FBXW2: variants seen among roughly 807,000 people sequenced by gnomAD.
FBXW2 encodes the protein F-box/WD repeat-containing protein 2.
Under a neutral mutation model 46.0 loss-of-function variants are expected in FBXW2, and 12 were observed. That is an observed-to-expected ratio of 0.26 (90% CI 0.17 to 0.42). The LOEUF is 0.42. Ranked by LOEUF, FBXW2 falls within the 10% of genes least tolerant of loss-of-function variation. The probability of loss-of-function intolerance (pLI) is 1.00; values close to 1 mark genes in which losing one functional copy is unlikely to be tolerated. For synonymous variants in FBXW2, 203 were observed against 209.6 expected, an observed-to-expected ratio of 0.97 and a Z score of 0.27; for missense variants, 360 against 537.0, an observed-to-expected ratio of 0.67 and a Z score of 3.26.
At position 120,761,369 on chromosome 9, in the gene FBXW2, G is replaced by A. The variant is rs1588019123; in HGVS notation, c.*3190C>T. 1 of 152,140 alleles carries A rather than the reference G, an allele frequency of 6.6e-6. No homozygotes were observed. The highest frequency in any genetic ancestry group is 2.1e-4 in the South Asian group (1 of 4,826). 9.4% of individuals were successfully genotyped at this position (152,140 alleles called of 1,614,324 possible). On this transcript the variant is annotated 3_prime_UTR_variant, in exon 8 of 8. Coordinates refer to ENST00000608872, the MANE Select transcript of FBXW2 (RefSeq NM_012164.4). The stretch of plus-strand genomic sequence containing the variant: ...GTGTCACCCAAGAAATCCAATCCTT[G>A]TAAGAAAGGATAGGGCTTATCTTCT...
intron 7 of FBXW2, among the ~76,000 whole-genome samples, chr9:120,768,771 G>T (rs1032679662): frequency 2.0e-5 from 3 of 150,878 alleles, no homozygotes; most frequent in Admixed American, 2.0e-4. Flanking sequence ...GCAGTGAGCC[G>T]AGATCACACC....
rs371383373 is a variant in FBXW2 at position 120,785,228 on chromosome 9, CA to C, written c.490+2540del. Among the ~76,000 whole-genome samples the C allele has an allele frequency of 1.6e-3, 238 of 152,104 alleles. 2 individuals carry two copies. The highest frequency in any genetic ancestry group is 4.9e-3 in the African/African-American group (202 of 41,482). On this transcript the variant is annotated intron_variant, in intron 3 of 7. Transcript: ENST00000608872. The stretch of plus-strand genomic sequence containing the variant: ...TTTGCTATGTTGCCCAGGCTGGTCT[CA>C]AAACTCCTGGGCTCACATAATCTGC...
chr9:120,757,387 A>C lies in FBXW2; in HGVS notation c.*7172T>G, dbSNP rs1293496580. 1 of 152,242 alleles carries C rather than the reference A, an allele frequency of 6.6e-6. No homozygotes were observed. The highest frequency in any genetic ancestry group is 2.4e-5 in the African/African-American group (1 of 41,468). The allele number at this position is 152,242 out of a possible 1,614,324, so 9.4% of individuals were successfully genotyped here. A position where few individuals can be genotyped will look rare whatever the true frequency, so the allele number is the denominator to read the frequency against. On this transcript the variant is annotated 3_prime_UTR_variant, in exon 8 of 8. Coordinates refer to ENST00000608872, the MANE Select transcript of FBXW2 (RefSeq NM_012164.4). ...AAGAAAAAATTCCACTGCTTTTGCGAGTAAGTCTTCTACTGGAACTTGTTC... is the reference window on the plus strand; with the variant it reads ...AAGAAAAAATTCCACTGCTTTTGCGCGTAAGTCTTCTACTGGAACTTGTTC...
At chr9:120,793,004 C>CTCA in intron 2 of FBXW2, 145 bp downstream of exon 2, 3 of 1,513,504 alleles carry the variant, frequency 2.0e-6, no homozygotes, top group Non-Finnish European at 2.7e-6. Context: ...TCACTGTTAA[C>CTCA]TCATTTCGCA....
intron 3 of FBXW2, among the ~76,000 whole-genome samples, chr9:120,781,675 C>CATAT (rs3047128): frequency 6.8e-6 from 1 of 146,334 alleles, no homozygotes; most frequent in Non-Finnish European, 1.5e-5. Flanking sequence ...CACACACACA[C>CATAT]ATACACACAC....
chr9:120,770,550 C>A (rs2044357680), intron 7 of FBXW2, among the ~76,000 whole-genome samples: 1 of 152,158 alleles, frequency 6.6e-6, no homozygotes, highest in African/African-American at 2.4e-5. Flanking sequence ...TGGGTCCTCT[C>A]AGACTTATTA....
rs1238615295 is a variant in FBXW2, at chr9:120,787,851, A to G, written c.408T>C (p.His136=). ...AILRMKQLED[H]EAFETSSLIG... ...TTAATGACGAGGTTTCAAAGGCTTC[A>G]TGGTCCTCCAGTTGCTTCATTCTCA... The change falls in exon 3 of 8, where the codon CAT becomes CAC. Residue 136 remains histidine, a synonymous_variant. Coordinates refer to ENST00000608872, the MANE Select transcript of FBXW2 (RefSeq NM_012164.4). The G allele has an allele frequency of 6.2e-7, 1 of 1,614,228 alleles. No homozygotes were observed. Among genetic ancestry groups the G allele is most frequent in the Non-Finnish European group, 8.5e-7 (1 of 1,180,038 alleles).
At chr9:120,783,977 A>G (rs1056068445) in intron 3 of FBXW2, among the ~76,000 whole-genome samples, 1 of 152,244 alleles carries the variant, frequency 6.6e-6, no homozygotes, top group Non-Finnish European at 1.5e-5. Context: ...TCTCTTAAGT[A>G]ACAAGATGAC....
In FBXW2 at chr9:120,787,910, A is replaced by G; in HGVS notation, c.349T>C (p.Leu117=). Residue 117 remains leucine, a synonymous_variant, in exon 3 of 8, where the codon TTG becomes CTG. Transcript: ENST00000608872. ...TTCAAATAAACCTTCTTCCAGTGCA[A>G]AGCGTCCTGAACAGAATCATCTATC... is the stretch of plus-strand genomic sequence containing the variant. The part of the protein sequence containing the change: ...WQIDDSVQDA[L]HWKKVYLKAI... 6.2e-7 allele frequency: 1 copy of G among 1,614,208 alleles called. No individual in the cohort carries two copies. The highest frequency in any genetic ancestry group is 2.2e-5 in the East Asian group (1 of 44,892).
In FBXW2 at chr9:120,762,159, G is replaced by T. The variant is rs1453085273; in HGVS notation, c.*2400C>A. 6.6e-6 allele frequency: 1 copy of T among 152,128 alleles called. No homozygotes were observed. The highest frequency in any genetic ancestry group is 1.5e-5 in the Non-Finnish European group (1 of 68,060). The allele number at this position is 152,128 out of a possible 1,614,324, so 9.4% of individuals were successfully genotyped here. A position where few individuals can be genotyped will look rare whatever the true frequency, so the allele number is the denominator to read the frequency against. On this transcript the variant is annotated 3_prime_UTR_variant, in exon 8 of 8. Transcript: ENST00000608872. ...GTTCAAGACCAGCCTGGCCAACATG[G>T]TGGAACCCTGTCTCTACTAAAAATA...
At chr9:120,773,059 C>T (rs1245730170) in intron 5 of FBXW2, among the ~76,000 whole-genome samples, 2 of 152,038 alleles carry the variant, frequency 1.3e-5, no homozygotes, top group Admixed American at 6.6e-5. Context: ...AGGTGGGTCA[C>T]GCCTATAATC....
In FBXW2 at chr9:120,763,799, C is replaced by T. The variant is rs914580296; in HGVS notation, c.*760G>A. On this transcript the variant is annotated 3_prime_UTR_variant, in exon 8 of 8. Coordinates refer to ENST00000608872, the MANE Select transcript of FBXW2 (RefSeq NM_012164.4). ...GGTGCAGAGTTCCAGGGTAAGAGGC[C>T]CGGTCTCTAACCTTCCAGCTCACTG... is the stretch of plus-strand genomic sequence containing the variant. 6.6e-6 allele frequency: 1 copy of T among 152,124 alleles called. No individual in the cohort carries two copies. Among genetic ancestry groups the T allele is most frequent in the African/African-American group, 2.4e-5 (1 of 41,406 alleles). The allele number at this position is 152,124 out of a possible 1,614,324, so 9.4% of individuals were successfully genotyped here. A position where few individuals can be genotyped will look rare whatever the true frequency, so the allele number is the denominator to read the frequency against.
chr9:120,788,804 T>C (rs549353306), intron 2 of FBXW2, among the ~76,000 whole-genome samples: 22 of 152,134 alleles, frequency 1.4e-4, no homozygotes, highest in Non-Finnish European at 3.2e-4. Context: ...GTCACCAAAA[T>C]CATAGAACTG....
chr9:120,778,701 C>A (rs1447900927), intron 3 of FBXW2, among the ~76,000 whole-genome samples, 156 bp from the exon 4 acceptor site: 1 of 152,204 alleles, frequency 6.6e-6, no homozygotes, highest in Non-Finnish European at 1.5e-5. Context: ...GAGAGTAACA[C>A]AACTTGCTTA....
chr9:120,772,589 A>G (rs1564453397), intron 6 of FBXW2, among the ~76,000 whole-genome samples, 165 bp downstream of exon 6: 2 of 152,250 alleles, frequency 1.3e-5, no homozygotes. Context: ...TACACAGGAC[A>G]TAGAGCTAGC....
At chr9:120,774,254 T>C (rs1230831424) in intron 5 of FBXW2, among the ~76,000 whole-genome samples, 2 of 149,842 alleles carry the variant, frequency 1.3e-5, no homozygotes, top group East Asian at 3.9e-4. Flanking sequence ...GGAGAATCAC[T>C]TGAACCCGGC....
chr9:120,793,344 G>C lies in FBXW2; in HGVS notation c.-130+10C>G, dbSNP rs936326784. ...TCCCCTCCCCGACCGGCCCCGCCTC[G>C]CATACAGACCCGGACCTGCGGCCGC... On this transcript the variant is annotated intron_variant, in intron 1 of 7. Transcript: ENST00000608872. 2.9e-5 allele frequency: 12 copies of C among 420,842 alleles called. No homozygotes were observed. Among genetic ancestry groups the C allele is most frequent in the African/African-American group, 1.0e-4 (5 of 48,712 alleles). 26.1% of individuals were successfully genotyped at this position (420,842 alleles called of 1,614,324 possible).
rs754660457 is a variant in FBXW2, at chr9:120,778,413, A to G, written c.623T>C (p.Val208Ala). Residue 208 changes from valine (V) to alanine (A), a missense_variant, in exon 4 of 8, where the codon GTG becomes GCG. Physicochemically the swap from Val to Ala is moderately conservative, Grantham distance 64. Coordinates refer to ENST00000608872, the MANE Select transcript of FBXW2 (RefSeq NM_012164.4). Reference protein sequence around the residue: ...KLVTGSFDNTVACWEWSSGAR... With the variant: ...KLVTGSFDNTAACWEWSSGAR... The stretch of plus-strand genomic sequence containing the variant: ...TCCGGAACTCCATTCCCAGCAAGCC[A>G]CAGTGTTGTCAAAGGAGCCTGTCAC... The G allele has an allele frequency of 1.2e-6, 2 of 1,612,046 alleles. No individual in the cohort carries two copies. The highest frequency in any genetic ancestry group is 1.7e-5 in the Admixed American group (1 of 59,918).
At position 120,793,218 on chromosome 9, in the gene FBXW2, G is replaced by C. The variant is rs1347456965; in HGVS notation, c.-90C>G. ...GCTACTAGGCACGCTCGGACCGCCAGAGCCTTGCAGCGGCCGGGTCCGCTC... is the reference window on the plus strand; with the variant it reads ...GCTACTAGGCACGCTCGGACCGCCACAGCCTTGCAGCGGCCGGGTCCGCTC... On this transcript the variant is annotated 5_prime_UTR_variant, in exon 2 of 8. Transcript: ENST00000608872. The C allele has an allele frequency of 3.7e-6, 2 of 539,376 alleles. No individual in the cohort carries two copies. Among genetic ancestry groups the C allele is most frequent in the Admixed American group, 7.1e-5 (2 of 28,228 alleles). 33.4% of individuals were successfully genotyped at this position (539,376 alleles called of 1,614,324 possible).
Sources: gnomAD v4.1 joint callset for allele counts (sites outside exome capture counted in the v4.1 genomes callset) on GRCh38, gnomAD v4.1.1 for gene constraint, MANE v1.5 for transcripts, NCBI Gene and HGNC (gene_info 2026-07-23, HGNC 2026-07-21) for gene names.